The following CAMKMT variants were observed in gnomAD, a reference collection of about 807,000 sequenced individuals.
CAMKMT encodes CaM KMT.
CAMKMT carries 53 observed loss-of-function variants against 48.0 expected under a neutral mutation model. The ratio of observed to expected loss-of-function variants is 1.10; its 90% CI spans 0.89 to 1.39. The LOEUF is 1.39. Ranked by LOEUF, CAMKMT falls within the 40% of genes most tolerant of loss-of-function variation. The probability of loss-of-function intolerance (pLI) is 0.00; values close to 1 mark genes in which losing one functional copy is unlikely to be tolerated. For missense variants in CAMKMT, 428 were observed against 402.7 expected, an observed-to-expected ratio of 1.06 and a Z score of -0.54; for synonymous variants, 165 against 152.3, an observed-to-expected ratio of 1.08 and a Z score of -0.61.
intron 3 of CAMKMT, among the ~76,000 whole-genome samples, chr2:44,640,802 TTAGAGA>T (rs977673491): frequency 8.5e-5 from 13 of 152,220 alleles, no homozygotes; most frequent in Non-Finnish European, 4.4e-5. Flanking sequence ...ATTGAAAAGA[TTAGAGA>T]TATTCTCAAG....
chr2:44,765,873 A>T (rs975878041), intron 9 of CAMKMT, among the ~76,000 whole-genome samples: 1 of 152,264 alleles, frequency 6.6e-6, no homozygotes, highest in Admixed American at 6.5e-5. Flanking sequence ...CCTGTATCTG[A>T]CAGCGTGGTC....
At chr2:44,770,351 G>A (rs1260921575) in intron 10 of CAMKMT, among the ~76,000 whole-genome samples, 1 of 152,254 alleles carries the variant, frequency 6.6e-6, no homozygotes, top group East Asian at 1.9e-4. Context: ...GCCCCTTTCA[G>A]CAACGAAGCC....
intron 2 of CAMKMT, among the ~76,000 whole-genome samples, chr2:44,385,933 T>G (rs1680741032): frequency 6.6e-6 from 1 of 152,100 alleles, no homozygotes; most frequent in African/African-American, 2.4e-5. Flanking sequence ...GTCTGTAGTT[T>G]TCTTTTTTGG....
chr2:44,765,724 G>T (rs114188747), intron 9 of CAMKMT, among the ~76,000 whole-genome samples: 5,686 of 152,192 alleles, frequency 0.037, 143 homozygotes, highest in Non-Finnish European at 0.057. Flanking sequence ...AGATTGTGTG[G>T]ATTATTTAGA....
chr2:44,604,020 C>T (rs1243901712), intron 3 of CAMKMT, among the ~76,000 whole-genome samples: 2 of 152,150 alleles, frequency 1.3e-5, no homozygotes, highest in East Asian at 3.8e-4. Flanking sequence ...TCTCACAGGA[C>T]AGGCTATGTT....
At chr2:44,610,288 G>T (rs1671528826) in intron 3 of CAMKMT, among the ~76,000 whole-genome samples, 1 of 152,170 alleles carries the variant, frequency 6.6e-6, no homozygotes, top group African/African-American at 2.4e-5. Flanking sequence ...AGGGTTAAAA[G>T]AGTTAAATAA....
chr2:44,687,573 A>T (rs999674701), intron 3 of CAMKMT, among the ~76,000 whole-genome samples: 3 of 152,222 alleles, frequency 2.0e-5, no homozygotes, highest in African/African-American at 4.8e-5. Context: ...CATTGCTATC[A>T]TTCAGCCACA....
At chr2:44,539,925 G>A (rs1173496831) in intron 3 of CAMKMT, among the ~76,000 whole-genome samples, 1 of 152,108 alleles carries the variant, frequency 6.6e-6, no homozygotes, top group African/African-American at 2.4e-5. Flanking sequence ...GTTTTCCAGT[G>A]TAAAGTTACT....
intron 3 of CAMKMT, among the ~76,000 whole-genome samples, chr2:44,412,166 A>T (rs1572805995): frequency 6.6e-6 from 1 of 152,026 alleles, no homozygotes; most frequent in African/African-American, 2.4e-5. Context: ...TATTGACTCC[A>T]ATAGCTAGTG....
At chr2:44,436,279 T>C (rs2104550293) in intron 3 of CAMKMT, among the ~76,000 whole-genome samples, 1 of 152,250 alleles carries the variant, frequency 6.6e-6, no homozygotes, top group Middle Eastern at 3.4e-3. Context: ...GGTTTCACCA[T>C]GTTGGCCAGG....
At chr2:44,419,527 A>C (rs1274271021) in intron 3 of CAMKMT, among the ~76,000 whole-genome samples, 1 of 152,218 alleles carries the variant, frequency 6.6e-6, no homozygotes, top group Non-Finnish European at 1.5e-5. Context: ...GCAAGGAAAT[A>C]GATTCTCCTC....
chr2:44,365,566 C>T (rs1337463081), intron 1 of CAMKMT, among the ~76,000 whole-genome samples: 1 of 152,140 alleles, frequency 6.6e-6, no homozygotes, highest in Non-Finnish European at 1.5e-5. Context: ...AGCTAGTAAT[C>T]CAGAAGAAAT....
At chr2:44,437,804 A>T (rs1233536999) in intron 3 of CAMKMT, among the ~76,000 whole-genome samples, 2 of 143,924 alleles carry the variant, frequency 1.4e-5, no homozygotes, top group Admixed American at 7.6e-5. Context: ...CAGCCACTGT[A>T]CTTTGGCTCA....
intron 6 of CAMKMT, among the ~76,000 whole-genome samples, chr2:44,709,154 G>T (rs2104285695): frequency 6.6e-6 from 1 of 152,230 alleles, no homozygotes; most frequent in South Asian, 2.1e-4. Flanking sequence ...TATTCATTCT[G>T]CCGGCCTTTC....
At chr2:44,562,383 A>G (rs1668367663) in intron 3 of CAMKMT, among the ~76,000 whole-genome samples, 1 of 152,242 alleles carries the variant, frequency 6.6e-6, no homozygotes, top group Admixed American at 6.5e-5. Flanking sequence ...CAACAATAAT[A>G]GCTAGCACTT....
intron 3 of CAMKMT, among the ~76,000 whole-genome samples, chr2:44,474,093 A>G (rs927541872): frequency 1.3e-5 from 2 of 152,202 alleles, no homozygotes; most frequent in African/African-American, 4.8e-5. Flanking sequence ...TGTGCATCAT[A>G]ATAAACATCA....
In CAMKMT at chr2:44,642,035, C is replaced by G. The variant is rs568385846; in HGVS notation, c.377-62248C>G. Among the ~76,000 whole-genome samples the G allele has an allele frequency of 2.0e-5, 3 of 152,306 alleles. No homozygotes were observed. In the South Asian group the frequency reaches 6.2e-4, roughly 32 times the overall value. The stretch of plus-strand genomic sequence containing the variant: ...TTCTCTGGCTTACTATTCTGAAAGG[C>G]TTGTATTGTTTCCAGACCTCTTACC... On this transcript the variant is annotated intron_variant, in intron 3 of 10. Transcript: ENST00000378494.
intron 3 of CAMKMT, 92 bp downstream of exon 3, chr2:44,390,397 C>T (rs1681216836): frequency 1.1e-6 from 1 of 902,262 alleles, no homozygotes; most frequent in East Asian, 2.6e-5. Context: ...ATTTATTATA[C>T]TCACTAAATG....
At chr2:44,698,859 C>T (rs900421909) in intron 3 of CAMKMT, among the ~76,000 whole-genome samples, 4 of 152,202 alleles carry the variant, frequency 2.6e-5, no homozygotes, top group African/African-American at 9.7e-5. Context: ...CAAACCCTGC[C>T]ACTGCTTTAT....
Sources: gnomAD v4.1 joint callset for allele counts (sites outside exome capture counted in the v4.1 genomes callset) on GRCh38, gnomAD v4.1.1 for gene constraint, MANE v1.5 for transcripts, NCBI Gene and HGNC (gene_info 2026-07-23, HGNC 2026-07-21) for gene names.